Variants in PRKCB observed in about 807,000 individuals in gnomAD.
PRKCB encodes protein kinase C beta.
Under a neutral mutation model 81.5 loss-of-function variants are expected in PRKCB, and 13 were observed. The ratio of observed to expected loss-of-function variants is 0.16; its 90% confidence interval spans 0.10 to 0.25. The LOEUF (loss-of-function observed/expected upper bound fraction) is 0.25, where lower values mean the gene tolerates loss of function less well. Among genes scored for constraint, PRKCB ranks in the 10% least tolerant of loss-of-function variants. The pLI is 1.00. For synonymous variants in PRKCB, 335 were observed against 321.4 expected (o/e 1.04, Z -0.45); for missense variants, 509 against 875.7 (o/e 0.58, Z 5.29).
chr16:24,114,932 A>T (rs1325963522), intron 8 of PRKCB, among the ~76,000 whole-genome samples: 1 of 152,182 alleles, frequency 6.6e-6, no homozygotes, highest in Non-Finnish European at 1.5e-5. Context: ...GTACAAGAGA[A>T]ATGTCACGTA....
intron 9 of PRKCB, among the ~76,000 whole-genome samples, chr16:24,124,985 A>T (rs1197754959): frequency 6.6e-6 from 1 of 152,176 alleles, no homozygotes; most frequent in African/African-American, 2.4e-5. Flanking sequence ...TATCACCTGG[A>T]TAACTGCAGA....
chr16:23,885,390 T>C (rs1425875400), intron 2 of PRKCB, among the ~76,000 whole-genome samples: 1 of 151,898 alleles, frequency 6.6e-6, no homozygotes, highest in African/African-American at 2.4e-5. Flanking sequence ...CTCACTGCAG[T>C]CTCCGCCTCC....
chr16:24,121,737 T>G (rs1966800745), intron 8 of PRKCB, among the ~76,000 whole-genome samples: 1 of 152,254 alleles, frequency 6.6e-6, no homozygotes, highest in Admixed American at 6.5e-5. Flanking sequence ...TGGAAAGATT[T>G]ATTTTGCCTC....
At chr16:23,838,359 C>A (rs779154637) in intron 2 of PRKCB, among the ~76,000 whole-genome samples, 5 of 152,236 alleles carry the variant, frequency 3.3e-5, no homozygotes, top group Non-Finnish European at 4.4e-5. Context: ...CATTTTGTCT[C>A]AGTTGATCCC....
At chr16:23,951,280 C>G (rs1964278632) in intron 2 of PRKCB, among the ~76,000 whole-genome samples, 1 of 152,158 alleles carries the variant, frequency 6.6e-6, no homozygotes, top group Admixed American at 6.5e-5. Context: ...AGTTATCAGT[C>G]TTTTCCATTT....
intron 5 of PRKCB, among the ~76,000 whole-genome samples, chr16:24,054,035 C>G (rs1378540694): frequency 6.6e-6 from 1 of 152,192 alleles, no homozygotes; most frequent in Non-Finnish European, 1.5e-5. Context: ...TACAGAGGCA[C>G]AATCACTGCT....
At position 23,933,722 on chromosome 16, in the gene PRKCB, CATCT is replaced by C. The variant is rs966809510; in HGVS notation, c.206-54782_206-54779del. 4.8e-5 allele frequency among the ~76,000 whole-genome samples: 7 copies of C among 145,296 alleles called. No homozygotes were observed. In the East Asian group the frequency reaches 6.4e-4, roughly 13 times the overall value. Reference sequence around the variant, plus strand: ...CTATCCATCCATCCATTCATCCATCCATCTATCCATCCATCCATTCGTCCATCCA... The same window carrying C: ...CTATCCATCCATCCATTCATCCATCCATCCATCCATCCATTCGTCCATCCA... On this transcript the variant is annotated intron_variant, in intron 2 of 16. Transcript: ENST00000643927.
At chr16:24,133,914 T>G (rs1375098799) in intron 9 of PRKCB, among the ~76,000 whole-genome samples, 2 of 150,960 alleles carry the variant, frequency 1.3e-5, no homozygotes, top group Non-Finnish European at 2.9e-5. Flanking sequence ...TTTTTTTTTT[T>G]GACAAGAGTC....
intron 12 of PRKCB, among the ~76,000 whole-genome samples, chr16:24,178,164 T>G (rs1967563817): frequency 6.6e-6 from 1 of 152,190 alleles, no homozygotes; most frequent in Non-Finnish European, 1.5e-5. Flanking sequence ...TTTAAGGAAC[T>G]GGAGATGTTG....
At chr16:24,207,797 A>G (rs958394576) in intron 16 of PRKCB, among the ~76,000 whole-genome samples, 3 of 152,244 alleles carry the variant, frequency 2.0e-5, no homozygotes, top group Non-Finnish European at 2.9e-5. Flanking sequence ...GGAGACAGAA[A>G]GGATGCACAG....
intron 2 of PRKCB, among the ~76,000 whole-genome samples, chr16:23,889,592 G>A (rs1348471523): frequency 6.6e-6 from 1 of 152,248 alleles, no homozygotes; most frequent in Non-Finnish European, 1.5e-5. Context: ...GGCCGTATGA[G>A]TAGCTCTGAC....
At chr16:24,097,106 G>A (rs1247595950) in intron 7 of PRKCB, among the ~76,000 whole-genome samples, 15 of 143,726 alleles carry the variant, frequency 1.0e-4, no homozygotes, top group Admixed American at 8.8e-4. Flanking sequence ...GTGTGATCTC[G>A]GCTCACTGCA....
intron 2 of PRKCB, among the ~76,000 whole-genome samples, chr16:23,864,047 C>T (rs1233788911): frequency 3.3e-5 from 5 of 152,114 alleles, no homozygotes; most frequent in Non-Finnish European, 5.9e-5. Flanking sequence ...TAATAAGGAT[C>T]TCCCTTGTTC....
Position 23,994,104 on chromosome 16 carries a change from C to A in PRKCB, c.288+5514C>A, listed in dbSNP as rs542098215. ...CAGCCTTGCCCAAAGGGACCTACTGCTTTTTATCAGGATAACTGTGCACTA... is the reference window on the plus strand; with the variant it reads ...CAGCCTTGCCCAAAGGGACCTACTGATTTTTATCAGGATAACTGTGCACTA... On this transcript the variant is annotated intron_variant, in intron 3 of 16. Coordinates refer to ENST00000643927, the MANE Select transcript of PRKCB (RefSeq NM_002738.7). Among the ~76,000 whole-genome samples the A allele has an allele frequency of 1.8e-4, 28 of 152,266 alleles. 1 individual carries two copies. The highest frequency in any genetic ancestry group is 5.9e-5 in the Non-Finnish European group (4 of 68,022).
intron 10 of PRKCB, among the ~76,000 whole-genome samples, chr16:24,168,541 C>CTTCTTTTTTTTTTTTTTTTT (rs1567399801): frequency 1.3e-5 from 1 of 76,330 alleles, no homozygotes; most frequent in African/African-American, 3.9e-5. Context: ...TCTTCTTCTA[C>CTTCTTTTTTTTTTTTTTTTT]TTTTTTTTTT....
rs749437397 is a variant in PRKCB, at chr16:24,144,596, C to T, written c.1066-10088C>T. On this transcript the variant is annotated intron_variant, in intron 9 of 16. Transcript: ENST00000643927. ...GATTACAGGCATGAGCCACCAAGCC[C>T]GGCCACTACATTCATTTTTAACCAC... Among the ~76,000 whole-genome samples, 44 of 152,190 alleles carry T rather than the reference C, an allele frequency of 2.9e-4. 1 individual carries two copies. Among genetic ancestry groups the T allele is most frequent in the Non-Finnish European group, 5.7e-4 (39 of 68,036 alleles).
At chr16:24,010,998 G>A (rs995955785) in intron 3 of PRKCB, among the ~76,000 whole-genome samples, 5 of 152,062 alleles carry the variant, frequency 3.3e-5, no homozygotes, top group African/African-American at 1.2e-4. Flanking sequence ...CCAAGTAGCT[G>A]GGGCTACAGG....
At chr16:23,860,776 G>A (rs928291776) in intron 2 of PRKCB, among the ~76,000 whole-genome samples, 1 of 151,962 alleles carries the variant, frequency 6.6e-6, no homozygotes, top group Non-Finnish European at 1.5e-5. Context: ...GCATGGTGGT[G>A]TGTGCCTGTA....
intron 5 of PRKCB, among the ~76,000 whole-genome samples, chr16:24,073,245 G>C (rs1382164849): frequency 6.6e-6 from 1 of 152,214 alleles, no homozygotes; most frequent in Non-Finnish European, 1.5e-5. Context: ...GTCAGGATTA[G>C]AACTGTTGTA....
Sources: gnomAD v4.1 joint callset for allele counts (sites outside exome capture counted in the v4.1 genomes callset) on GRCh38, gnomAD v4.1.1 for gene constraint, MANE v1.5 for transcripts, NCBI Gene and HGNC (gene_info 2026-07-23, HGNC 2026-07-21) for gene names.